Variants in ARHGEF4 observed in about 807,000 individuals in gnomAD.
ARHGEF4 encodes the protein APC-stimulated guanine nucleotide exchange factor 1.
ARHGEF4 carries 119 observed loss-of-function variants against 162.0 expected under a neutral mutation model. The ratio of observed to expected loss-of-function variants is 0.73; its 90% CI spans 0.63 to 0.86. The LOEUF is 0.86. ARHGEF4 is among the 40% of genes least tolerant of loss of function. ARHGEF4 has a pLI of 0.00. For synonymous variants in ARHGEF4, 1,014 were observed against 979.9 expected (o/e 1.03, Z -0.65); for missense variants, 2,488 against 2,456.0 (o/e 1.01, Z -0.28).
chr2:130,838,695 A>T (rs538204068), intron 1 of ARHGEF4, among the ~76,000 whole-genome samples: 7 of 152,348 alleles, frequency 4.6e-5, no homozygotes, highest in Middle Eastern at 3.4e-3. Flanking sequence ...GAGTGTGTTT[A>T]TGAAGTGGTG....
chr2:131,030,894 G>T (rs1689807313), intron 5 of ARHGEF4, among the ~76,000 whole-genome samples: 1 of 152,230 alleles, frequency 6.6e-6, no homozygotes. Flanking sequence ...GAAAAGATAA[G>T]AAGTGATTGT....
intron 1 of ARHGEF4, among the ~76,000 whole-genome samples, chr2:130,873,030 G>T (rs1247731039): frequency 6.6e-6 from 1 of 152,228 alleles, no homozygotes; most frequent in African/African-American, 2.4e-5. Flanking sequence ...GGCAGCCAAG[G>T]CAGGGCTGTG....
At chr2:130,959,424 G>C (rs1334188827) in intron 4 of ARHGEF4, among the ~76,000 whole-genome samples, 1 of 152,194 alleles carries the variant, frequency 6.6e-6, no homozygotes, top group African/African-American at 2.4e-5. Context: ...AGCATGAGTG[G>C]CGAGCACTGG....
chr2:130,970,873 C>G (rs1040555148), intron 4 of ARHGEF4, among the ~76,000 whole-genome samples: 3 of 152,254 alleles, frequency 2.0e-5, no homozygotes, highest in Admixed American at 2.0e-4. Flanking sequence ...TTGTGTTTTA[C>G]TTGCTAATAG....
intron 1 of ARHGEF4, among the ~76,000 whole-genome samples, chr2:130,907,208 C>CTT (rs70994720): frequency 3.2e-3 from 281 of 87,264 alleles, no homozygotes; most frequent in Middle Eastern, 7.7e-3. Flanking sequence ...TAGTTTGTCC[C>CTT]TTTTTTTTTT....
chr2:130,886,680 C>CAAA (rs36062652), intron 1 of ARHGEF4, among the ~76,000 whole-genome samples: 1 of 104,870 alleles, frequency 9.5e-6, no homozygotes. Flanking sequence ...GACTCTGTCT[C>CAAA]AAAAAAAAAA....
intron 1 of ARHGEF4, among the ~76,000 whole-genome samples, chr2:130,901,464 T>C (rs927583447): frequency 6.6e-6 from 1 of 152,082 alleles, no homozygotes; most frequent in African/African-American, 2.4e-5. Context: ...CCATTCGTCA[T>C]AGGGCCAAAT....
intron 1 of ARHGEF4, among the ~76,000 whole-genome samples, chr2:130,888,135 G>A (rs78762444): frequency 0.013 from 2,002 of 152,086 alleles, 65 homozygotes; most frequent in African/African-American, 0.045. Context: ...CTTTTTACTT[G>A]GTTTGGCTTT....
intron 4 of ARHGEF4, among the ~76,000 whole-genome samples, chr2:131,026,431 A>G (rs1689479582): frequency 6.6e-6 from 1 of 152,248 alleles, no homozygotes; most frequent in Non-Finnish European, 1.5e-5. Context: ...AATAGTAACA[A>G]GCCACAAACT....
At chr2:130,971,655 C>CA (rs35136790) in intron 4 of ARHGEF4, among the ~76,000 whole-genome samples, 82,388 of 101,412 alleles carry the variant, frequency 0.81, 33,339 homozygotes, top group East Asian at 0.95. Flanking sequence ...GAGACTGTCT[C>CA]AAAAAAAAAA....
At chr2:130,860,873 C>A (rs1195603682) in intron 1 of ARHGEF4, among the ~76,000 whole-genome samples, 1 of 76,394 alleles carries the variant, frequency 1.3e-5, no homozygotes. Context: ...CACATACACA[C>A]AAAGAAGAGA....
At chr2:130,987,989 C>T (rs1043353334) in intron 4 of ARHGEF4, among the ~76,000 whole-genome samples, 2 of 152,094 alleles carry the variant, frequency 1.3e-5, no homozygotes, top group Non-Finnish European at 1.5e-5. Context: ...TAATTCTCTG[C>T]GGCAGACTTC....
At chr2:130,890,687 T>G (rs1405884619) in intron 1 of ARHGEF4, among the ~76,000 whole-genome samples, 1 of 152,216 alleles carries the variant, frequency 6.6e-6, no homozygotes, top group African/African-American at 2.4e-5. Context: ...AGCTATCTAT[T>G]GAGTTTCTAA....
intron 2 of ARHGEF4, among the ~76,000 whole-genome samples, chr2:130,923,220 G>A (rs72855766): frequency 0.18 from 27,948 of 152,168 alleles, 2,719 homozygotes; most frequent in South Asian, 0.29. Flanking sequence ...GTGAGCCATC[G>A]CGCCTGGGCA....
intron 1 of ARHGEF4, among the ~76,000 whole-genome samples, chr2:130,889,652 A>T (rs1679735722): frequency 6.6e-6 from 1 of 151,054 alleles, no homozygotes; most frequent in African/African-American, 2.5e-5. Flanking sequence ...CTCTACTAAA[A>T]ATACAAAAAA....
intron 2 of ARHGEF4, among the ~76,000 whole-genome samples, chr2:130,926,837 T>TTTTTTTTTA (rs1682324780): frequency 7.0e-6 from 1 of 142,212 alleles, no homozygotes; most frequent in Non-Finnish European, 1.5e-5. Context: ...TTTTTTTTTT[T>TTTTTTTTTA]TGGTCAGGAG....
intron 4 of ARHGEF4, among the ~76,000 whole-genome samples, chr2:130,996,212 T>C (rs1687380957): frequency 6.6e-6 from 1 of 152,158 alleles, no homozygotes; most frequent in South Asian, 2.1e-4. Context: ...ACCATACTTC[T>C]GTTTCATCAG....
intron 4 of ARHGEF4, 178 bp downstream of exon 4, chr2:130,946,813 G>A: frequency 1.2e-6 from 1 of 816,002 alleles, no homozygotes; most frequent in South Asian, 1.8e-5. Context: ...CAAAGAAAGG[G>A]AATTATTGGC....
At chr2:130,996,213 G>T (rs1446925567) in intron 4 of ARHGEF4, among the ~76,000 whole-genome samples, 1 of 152,106 alleles carries the variant, frequency 6.6e-6, no homozygotes, top group East Asian at 1.9e-4. Flanking sequence ...CCATACTTCT[G>T]TTTCATCAGG....
Sources: allele counts gnomAD v4.1 joint callset (sites outside exome capture counted in the v4.1 genomes callset), GRCh38; gene constraint gnomAD v4.1.1; transcripts MANE v1.5; gene names NCBI Gene and HGNC (gene_info 2026-07-23, HGNC 2026-07-21).